B3GALT1: variants seen among roughly 807,000 people sequenced by gnomAD.
B3GALT1 encodes the protein beta-1,3-galactosyltransferase 1.
A neutral mutation model predicts 23.2 loss-of-function variants in B3GALT1; 10 were observed. The observed-to-expected ratio is 0.43, with a 90% CI of 0.27 to 0.73. The LOEUF (loss-of-function observed/expected upper bound fraction) is 0.73, where lower values mean the gene tolerates loss of function less well. Among genes scored for constraint, B3GALT1 ranks in the 30% least tolerant of loss-of-function variants. B3GALT1 has a pLI of 0.21. For synonymous variants in B3GALT1, 156 were observed against 141.5 expected (o/e 1.10, Z -0.73); for missense variants, 299 against 405.4 (o/e 0.74, Z 2.25).
intron 2 of B3GALT1, among the ~76,000 whole-genome samples, chr2:167,615,206 A>G (rs975776510): frequency 6.6e-6 from 1 of 152,092 alleles, no homozygotes; most frequent in African/African-American, 2.4e-5. Flanking sequence ...TCCTTTAAAA[A>G]GAAAGGAAAT....
chr2:167,564,512 C>T (rs1002927831), intron 2 of B3GALT1, among the ~76,000 whole-genome samples: 7 of 152,258 alleles, frequency 4.6e-5, no homozygotes, highest in South Asian at 2.1e-4. Flanking sequence ...CAAGGCAGGA[C>T]GCCGGGAGGT....
intron 2 of B3GALT1, among the ~76,000 whole-genome samples, 30 bp from the exon 3 acceptor site, chr2:167,646,879 A>G (rs989110771): frequency 1.3e-5 from 2 of 152,158 alleles, no homozygotes; most frequent in Admixed American, 1.3e-4. Context: ...ATTTTAATCT[A>G]AATGTATTTT....
intron 3 of B3GALT1, among the ~76,000 whole-genome samples, chr2:167,657,876 G>A (rs1685982388): frequency 6.6e-6 from 1 of 151,986 alleles, no homozygotes; most frequent in South Asian, 2.1e-4. Flanking sequence ...CAAGTATTTT[G>A]ATGACCCAAG....
chr2:167,837,799 T>A (rs1689518390), intron 4 of B3GALT1, among the ~76,000 whole-genome samples: 1 of 150,566 alleles, frequency 6.6e-6, no homozygotes, highest in Non-Finnish European at 1.5e-5. Context: ...TCAGCAAATG[T>A]AAAAGAACAG....
At chr2:167,462,104 T>C (rs909493791) in intron 1 of B3GALT1, among the ~76,000 whole-genome samples, 1 of 152,172 alleles carries the variant, frequency 6.6e-6, no homozygotes, top group Non-Finnish European at 1.5e-5. Flanking sequence ...ATTTCCACAA[T>C]AAAAATACTA....
intron 3 of B3GALT1, among the ~76,000 whole-genome samples, chr2:167,756,422 G>C (rs1687820024): frequency 6.6e-6 from 1 of 152,164 alleles, no homozygotes; most frequent in South Asian, 2.1e-4. Context: ...AAATACTCTT[G>C]TTGATCGCAT....
intron 3 of B3GALT1, among the ~76,000 whole-genome samples, chr2:167,719,624 C>T (rs774273990): frequency 5.9e-5 from 9 of 152,112 alleles, no homozygotes; most frequent in Non-Finnish European, 8.8e-5. Flanking sequence ...CAGTAGATAA[C>T]AAAGGTGATA....
intron 3 of B3GALT1, among the ~76,000 whole-genome samples, chr2:167,695,717 G>T (rs997340878): frequency 6.6e-6 from 1 of 152,130 alleles, no homozygotes; most frequent in African/African-American, 2.4e-5. Context: ...AAATGACAGT[G>T]ACTTAAGTTG....
At chr2:167,652,901 A>G (rs1212174162) in intron 3 of B3GALT1, among the ~76,000 whole-genome samples, 1 of 152,172 alleles carries the variant, frequency 6.6e-6, no homozygotes, top group East Asian at 1.9e-4. Flanking sequence ...GTCATACCAT[A>G]AGAAAAACGA....
At chr2:167,658,925 T>C (rs1686006832) in intron 3 of B3GALT1, among the ~76,000 whole-genome samples, 1 of 152,102 alleles carries the variant, frequency 6.6e-6, no homozygotes, top group African/African-American at 2.4e-5. Context: ...GACCTAAGAC[T>C]ATATGATTTT....
At chr2:167,780,705 T>C (rs1453370737) in intron 3 of B3GALT1, among the ~76,000 whole-genome samples, 2 of 152,238 alleles carry the variant, frequency 1.3e-5, no homozygotes, top group Non-Finnish European at 2.9e-5. Flanking sequence ...AAAGATGTGA[T>C]CCATGCTGAA....
intron 1 of B3GALT1, among the ~76,000 whole-genome samples, chr2:167,407,784 C>G (rs1045285449): frequency 1.3e-5 from 2 of 151,888 alleles, no homozygotes; most frequent in Non-Finnish European, 2.9e-5. Context: ...GATTAAAACA[C>G]AAAGAAACCT....
At chr2:167,752,905 G>A (rs951417535) in intron 3 of B3GALT1, among the ~76,000 whole-genome samples, 2 of 152,196 alleles carry the variant, frequency 1.3e-5, no homozygotes, top group Non-Finnish European at 2.9e-5. Flanking sequence ...AGATGCAACA[G>A]CTGAGTGCAT....
intron 1 of B3GALT1, among the ~76,000 whole-genome samples, chr2:167,468,730 G>A (rs1191832758): frequency 2.0e-5 from 3 of 152,106 alleles, no homozygotes; most frequent in Non-Finnish European, 4.4e-5. Context: ...AAATTAGCCG[G>A]GCATTGTGGC....
rs368900428 is a variant in B3GALT1, at chr2:167,655,459, TAAC to T, written c.-352+8496_-352+8498del. Among the ~76,000 whole-genome samples the T allele has an allele frequency of 5.3e-5, 8 of 152,274 alleles. 1 individual carries two copies. Among genetic ancestry groups the T allele is most frequent in the African/African-American group, 1.9e-4 (8 of 41,564 alleles). On this transcript the variant is annotated intron_variant, in intron 3 of 4. Coordinates refer to ENST00000392690, the MANE Select transcript of B3GALT1 (RefSeq NM_020981.4). Reference sequence around the variant, plus strand: ...AATTTTATCATGCAAATTTCAAAATTAACAATTTAGAGCCTGAAAATCAACATC... The same window carrying T: ...AATTTTATCATGCAAATTTCAAAATTAATTTAGAGCCTGAAAATCAACATC...
At chr2:167,443,257 A>G (rs1189007184) in intron 1 of B3GALT1, among the ~76,000 whole-genome samples, 7 of 152,130 alleles carry the variant, frequency 4.6e-5, no homozygotes, top group Non-Finnish European at 8.8e-5. Context: ...TACCAGTACC[A>G]TGCTATTTTG....
intron 3 of B3GALT1, among the ~76,000 whole-genome samples, chr2:167,705,743 G>C (rs1275427789): frequency 6.6e-6 from 1 of 152,156 alleles, no homozygotes; most frequent in Non-Finnish European, 1.5e-5. Context: ...TTCAGAAACT[G>C]AGGACATAAA....
chr2:167,612,218 C>G (rs1267425779), intron 2 of B3GALT1, among the ~76,000 whole-genome samples: 1 of 151,836 alleles, frequency 6.6e-6, no homozygotes, highest in African/African-American at 2.4e-5. Context: ...TAGCTTTTAA[C>G]ACTAGATGGT....
intron 1 of B3GALT1, among the ~76,000 whole-genome samples, chr2:167,316,536 A>G (rs1042897550): frequency 4.6e-5 from 7 of 151,932 alleles, no homozygotes; most frequent in African/African-American, 1.4e-4. Flanking sequence ...AAGTCTTGTC[A>G]CTCTCCAACT....
Sources: allele counts gnomAD v4.1 joint callset (sites outside exome capture counted in the v4.1 genomes callset), GRCh38; gene constraint gnomAD v4.1.1; transcripts MANE v1.5; gene names NCBI Gene and HGNC (gene_info 2026-07-23, HGNC 2026-07-21).